Variants in NBEA observed in about 807,000 individuals in gnomAD.
The protein encoded by NBEA is neurobeachin, also known as lysosomal-trafficking regulator 2.
In NBEA, 44 loss-of-function variants were observed where a neutral mutation model predicts 343.4. That is an observed-to-expected ratio of 0.13 (90% CI 0.10 to 0.16). The LOEUF (loss-of-function observed/expected upper bound fraction) is 0.16. Ranked by LOEUF, NBEA falls within the 10% of genes least tolerant of loss-of-function variation. The pLI, the probability that NBEA is intolerant of heterozygous loss-of-function variation, is 1.00. For missense variants in NBEA, 2,555 were observed against 3,631.3 expected, an observed-to-expected ratio of 0.70 and a Z score of 7.62; for synonymous variants, 1,175 against 1,238.7, an observed-to-expected ratio of 0.95 and a Z score of 1.08.
intron 15 of NBEA, 23 bp downstream of exon 15, chr13:35,118,313 T>A (rs757893466): frequency 5.9e-5 from 92 of 1,562,266 alleles, no homozygotes; most frequent in Non-Finnish European, 7.6e-5. Flanking sequence ...ATGGGCCTTT[T>A]ATTTTAATTA....
chr13:35,598,943 A>ATC (rs2081926436), intron 47 of NBEA, among the ~76,000 whole-genome samples: 1 of 152,038 alleles, frequency 6.6e-6, no homozygotes, highest in Non-Finnish European at 1.5e-5. Flanking sequence ...TCCTGAGTTC[A>ATC]TCTCTCTCTT....
intron 11 of NBEA, among the ~76,000 whole-genome samples, chr13:35,104,528 A>T (rs73498493): frequency 9.8e-4 from 149 of 152,066 alleles, no homozygotes; most frequent in East Asian, 8.1e-3. Context: ...ACCTGCAAAG[A>T]GTAACTTTTT....
At chr13:35,007,995 G>A (rs943043172) in intron 1 of NBEA, among the ~76,000 whole-genome samples, 6 of 151,914 alleles carry the variant, frequency 3.9e-5, no homozygotes, top group Non-Finnish European at 5.9e-5. Context: ...AATTGTAAAC[G>A]CAATTTGAGG....
chr13:35,574,506 TGAGGA>T (rs1052538905), intron 45 of NBEA, among the ~76,000 whole-genome samples: 5 of 151,990 alleles, frequency 3.3e-5, no homozygotes, highest in African/African-American at 1.2e-4. Flanking sequence ...ATGTCAGATA[TGAGGA>T]GAGGAGTCAA....
At chr13:35,384,570 G>T (rs899196365) in intron 38 of NBEA, among the ~76,000 whole-genome samples, 2 of 141,296 alleles carry the variant, frequency 1.4e-5, no homozygotes, top group Admixed American at 7.4e-5. Context: ...CTGTCATCCA[G>T]GCTGGAGTGC....
chr13:35,337,291 A>G (rs2152853882), intron 36 of NBEA, among the ~76,000 whole-genome samples: 1 of 152,230 alleles, frequency 6.6e-6, no homozygotes, highest in Non-Finnish European at 1.5e-5. Flanking sequence ...AGACACAAAC[A>G]GGCTGACAGA....
chr13:35,413,516 C>T (rs1388254754), intron 38 of NBEA, among the ~76,000 whole-genome samples: 2 of 152,030 alleles, frequency 1.3e-5, no homozygotes, highest in Admixed American at 6.6e-5. Flanking sequence ...GGAACCATTC[C>T]TGAGGGGCCA....
chr13:35,568,231 AT>A (rs2080227613), intron 45 of NBEA, among the ~76,000 whole-genome samples: 1 of 152,058 alleles, frequency 6.6e-6, no homozygotes, highest in Non-Finnish European at 1.5e-5. Context: ...CAATTCTTTT[AT>A]TTTATATAAC....
chr13:35,410,180 A>G (rs1443570110), intron 38 of NBEA, among the ~76,000 whole-genome samples: 1 of 152,182 alleles, frequency 6.6e-6, no homozygotes, highest in Non-Finnish European at 1.5e-5. Flanking sequence ...TGTATTTACA[A>G]TTCTGATTAT....
At chr13:35,353,777 A>G (rs2040335620) in intron 38 of NBEA, among the ~76,000 whole-genome samples, 1 of 152,216 alleles carries the variant, frequency 6.6e-6, no homozygotes, top group South Asian at 2.1e-4. Flanking sequence ...AAGAGGTTAA[A>G]TAAAACTTAC....
At chr13:35,634,427 C>T (rs1201329281) in intron 49 of NBEA, among the ~76,000 whole-genome samples, 2 of 152,142 alleles carry the variant, frequency 1.3e-5, no homozygotes, top group Admixed American at 6.5e-5. Flanking sequence ...TAAAGTTGTA[C>T]TGGTTCAGCA....
At chr13:35,628,301 A>G (rs1277124220) in intron 49 of NBEA, 53 bp downstream of exon 49, 6 of 1,268,844 alleles carry the variant, frequency 4.7e-6, no homozygotes, top group Non-Finnish European at 6.4e-6. Context: ...TCTCAAACAC[A>G]AATTTGACAT....
intron 34 of NBEA, among the ~76,000 whole-genome samples, chr13:35,245,889 T>C (rs1343855054): frequency 6.6e-6 from 1 of 152,202 alleles, no homozygotes; most frequent in Non-Finnish European, 1.5e-5. Flanking sequence ...TTTTCCAAAC[T>C]TTTAGATTTC....
At chr13:35,038,095 T>A (rs556139200) in intron 1 of NBEA, among the ~76,000 whole-genome samples, 2 of 152,216 alleles carry the variant, frequency 1.3e-5, no homozygotes, top group East Asian at 3.9e-4. Flanking sequence ...CCTTTTCCAC[T>A]TTTCCCCTTT....
intron 34 of NBEA, among the ~76,000 whole-genome samples, chr13:35,271,037 C>A (rs2034104043): frequency 6.6e-6 from 1 of 152,246 alleles, no homozygotes; most frequent in South Asian, 2.1e-4. Context: ...AACGGACAGA[C>A]TGCCTCCTCA....
Position 35,472,494 on chromosome 13 carries a change from G to A in NBEA, c.6543G>A (p.Glu2181=). 1 of 1,613,876 alleles carries A rather than the reference G, an allele frequency of 6.2e-7. No individual in the cohort carries two copies. The highest frequency in any genetic ancestry group is 8.5e-7 in the Non-Finnish European group (1 of 1,179,820). ...LSITTTEIYF[E]VDEDDSAFKK... is the part of the protein sequence containing the mutation. Reference sequence around the variant, plus strand: ...TCACCACGACAGAAATCTACTTCGAGGTAGATGAGGATGATTCTGCCTTCA... The same window carrying A: ...TCACCACGACAGAAATCTACTTCGAAGTAGATGAGGATGATTCTGCCTTCA... Residue 2181 remains glutamate (E), a synonymous_variant, in exon 41 of 59, where the codon GAG becomes GAA. Coordinates refer to ENST00000379939, the MANE Select transcript of NBEA (RefSeq NM_001385012.1).
At chr13:35,005,548 A>G (rs2061289936) in intron 1 of NBEA, among the ~76,000 whole-genome samples, 1 of 152,216 alleles carries the variant, frequency 6.6e-6, no homozygotes, top group African/African-American at 2.4e-5. Context: ...GCTTGCAAGT[A>G]GGGTAAAATA....
chr13:35,365,046 G>A lies in NBEA; in HGVS notation c.6179+12723G>A, dbSNP rs183401693. On this transcript the variant is annotated intron_variant, in intron 38 of 58. Transcript: ENST00000379939. ...ATGTAGATCAATAATGATTGGATGG[G>A]TCAGCACCAAAAATGTCTGTTATTT... is the stretch of plus-strand genomic sequence containing the variant. Among the ~76,000 whole-genome samples, 10 of 151,782 alleles carry A rather than the reference G, an allele frequency of 6.6e-5. No individual in the cohort carries two copies. In the East Asian group the frequency reaches 1.5e-3, roughly 23 times the overall value.
intron 13 of NBEA, among the ~76,000 whole-genome samples, chr13:35,112,425 A>G (rs2066264902): frequency 6.6e-6 from 1 of 152,138 alleles, no homozygotes; most frequent in South Asian, 2.1e-4. Context: ...GACTGCATCT[A>G]TATATAACTT....
Sources: gnomAD v4.1 joint callset for allele counts (sites outside exome capture counted in the v4.1 genomes callset) on GRCh38, gnomAD v4.1.1 for gene constraint, MANE v1.5 for transcripts, NCBI Gene and HGNC (gene_info 2026-07-23, HGNC 2026-07-21) for gene names.